EXT1: variants seen among roughly 807,000 people sequenced by gnomAD.
EXT1 encodes exostosin glycosyltransferase 1, also known as exostosin-1.
In EXT1, 20 loss-of-function variants were observed where a neutral mutation model predicts 82.5. The observed-to-expected ratio is 0.24, with a 90% CI of 0.17 to 0.35. EXT1 has a LOEUF of 0.35. Ranked by LOEUF, EXT1 falls within the 10% of genes least tolerant of loss-of-function variation. The pLI, the probability that EXT1 is intolerant of heterozygous loss-of-function variation, is 1.00. For synonymous variants in EXT1, 348 were observed against 350.8 expected, an observed-to-expected ratio of 0.99 and a Z score of 0.09; for missense variants, 757 against 936.5, an observed-to-expected ratio of 0.81 and a Z score of 2.50.
At position 117,796,366 on chromosome 8, in the gene EXT1, T is replaced by A. The variant is rs1265136617; in HGVS notation, c.*3346A>T. 2 of 152,092 alleles carry A rather than the reference T, an allele frequency of 1.3e-5. No homozygotes were observed. The highest frequency in any genetic ancestry group is 3.9e-4 in the East Asian group (2 of 5,180). The allele number at this position is 152,092 out of a possible 1,614,324, so 9.4% of individuals were successfully genotyped here. On this transcript the variant is annotated 3_prime_UTR_variant, in exon 11 of 11. Coordinates refer to ENST00000378204, the MANE Select transcript of EXT1 (RefSeq NM_000127.3). ...TCTTAAATCAAGTGCCCTGTTTTTT[T>A]TTTTTTTAATTAAAAAAAATAGTAT...
chr8:117,979,230 T>C (rs754806843), intron 1 of EXT1, among the ~76,000 whole-genome samples: 11 of 151,960 alleles, frequency 7.2e-5, no homozygotes, highest in African/African-American at 2.7e-4. Flanking sequence ...GGGGTGCACC[T>C]GTAGTCCCAG....
chr8:117,878,240 C>G (rs935155124), intron 1 of EXT1, among the ~76,000 whole-genome samples: 2 of 152,180 alleles, frequency 1.3e-5, no homozygotes, highest in African/African-American at 4.8e-5. Context: ...CACCATTGCA[C>G]TCTAGCTTGG....
intron 1 of EXT1, among the ~76,000 whole-genome samples, chr8:117,977,415 T>C (rs1212603721): frequency 6.8e-6 from 1 of 147,014 alleles, no homozygotes; most frequent in African/African-American, 2.5e-5. Flanking sequence ...AAAGACCATA[T>C]ATCCAAGGGC....
At chr8:117,939,603 T>G in intron 1 of EXT1, among the ~76,000 whole-genome samples, 1 of 147,352 alleles carries the variant, frequency 6.8e-6, no homozygotes, top group East Asian at 2.0e-4. Flanking sequence ...GAAAAAAGAA[T>G]AATAGTGAAG....
chr8:118,033,303 T>C (rs1384027931), intron 1 of EXT1, among the ~76,000 whole-genome samples: 1 of 152,184 alleles, frequency 6.6e-6, no homozygotes, highest in African/African-American at 2.4e-5. Context: ...GTGTTGGTAA[T>C]AATACCACAC....
intron 1 of EXT1, among the ~76,000 whole-genome samples, chr8:118,054,860 C>T (rs1227409665): frequency 2.6e-5 from 4 of 152,086 alleles, no homozygotes; most frequent in Admixed American, 6.5e-5. Flanking sequence ...GTTCCGAGGC[C>T]GCTCTGAGAG....
rs2130046904 is a variant in EXT1 at position 118,111,345 on chromosome 8, A to C, written c.-299T>G. On this transcript the variant is annotated 5_prime_UTR_variant, in exon 1 of 11. Transcript: ENST00000378204. ...AGCGGACTGTAATTTTCTTGCATGC[A>C]ACAAGACGGAGGAAAAGAAAGAGAG... 1.7e-6 allele frequency: 1 copy of C among 576,876 alleles called. No individual in the cohort carries two copies. The highest frequency in any genetic ancestry group is 3.1e-5 in the Admixed American group (1 of 32,736). The allele number at this position is 576,876 out of a possible 1,614,324, so 35.7% of individuals were successfully genotyped here.
At chr8:117,949,469 T>TAC (rs1394336609) in intron 1 of EXT1, among the ~76,000 whole-genome samples, 1 of 149,922 alleles carries the variant, frequency 6.7e-6, no homozygotes, top group Non-Finnish European at 1.5e-5. Flanking sequence ...TGTGTATATA[T>TAC]ACACACACAT....
intron 5 of EXT1, among the ~76,000 whole-genome samples, chr8:117,821,149 A>C (rs1811918410): frequency 6.6e-6 from 1 of 152,220 alleles, no homozygotes. Flanking sequence ...TTTGATACTG[A>C]TGGGATAAAG....
At chr8:117,935,716 A>G (rs1432990120) in intron 1 of EXT1, among the ~76,000 whole-genome samples, 3 of 152,062 alleles carry the variant, frequency 2.0e-5, no homozygotes, top group Non-Finnish European at 2.9e-5. Flanking sequence ...ACTTTCTTAA[A>G]TATTCCAATG....
rs1338171396 is a variant in EXT1, at chr8:117,794,683, C to T, written c.*5029G>A. The T allele has an allele frequency of 6.6e-6, 1 of 152,106 alleles. No homozygotes were observed. The highest frequency in any genetic ancestry group is 1.5e-5 in the Non-Finnish European group (1 of 68,030). 9.4% of individuals were successfully genotyped at this position (152,106 alleles called of 1,614,324 possible). On this transcript the variant is annotated 3_prime_UTR_variant, in exon 11 of 11. Coordinates refer to ENST00000378204, the MANE Select transcript of EXT1 (RefSeq NM_000127.3). ...TCTCACACGCGCTCTCTCACACATA[C>T]TTGAGGGCTTAATTACGCTAAGTCA...
chr8:117,846,414 A>T (rs1812362873), intron 1 of EXT1, among the ~76,000 whole-genome samples: 4 of 152,280 alleles, frequency 2.6e-5, no homozygotes, highest in African/African-American at 9.6e-5. Context: ...GGCCAGCACC[A>T]GCTTTTATAC....
intron 1 of EXT1, among the ~76,000 whole-genome samples, chr8:118,082,438 T>C (rs1817349677): frequency 6.6e-6 from 1 of 152,224 alleles, no homozygotes; most frequent in Admixed American, 6.5e-5. Context: ...GCTGGAAATC[T>C]TTTGATTTTA....
At chr8:118,109,978 G>C in intron 1 of EXT1, 107 bp downstream of exon 1, 6 of 1,562,726 alleles carry the variant, frequency 3.8e-6, no homozygotes, top group Admixed American at 3.4e-5. Flanking sequence ...AGGGGAAAGA[G>C]GACTGAGGGC....
intron 1 of EXT1, among the ~76,000 whole-genome samples, chr8:118,001,226 G>A (rs1304662391): frequency 6.6e-6 from 1 of 152,038 alleles, no homozygotes; most frequent in Non-Finnish European, 1.5e-5. Flanking sequence ...TCGCTCTGTC[G>A]CTCAGGCTGG....
chr8:117,968,660 C>G (rs1461838254), intron 1 of EXT1, among the ~76,000 whole-genome samples: 3 of 98,018 alleles, frequency 3.1e-5, no homozygotes, highest in Non-Finnish European at 5.4e-5. Context: ...AGCTCCACCT[C>G]CCGGGTTCAC....
chr8:117,978,124 T>A, intron 1 of EXT1, among the ~76,000 whole-genome samples: 1 of 152,224 alleles, frequency 6.6e-6, no homozygotes, highest in East Asian at 1.9e-4. Flanking sequence ...GGTGTCCCTT[T>A]GCTGATGAAA....
At chr8:118,069,113 A>C (rs1817041129) in intron 1 of EXT1, among the ~76,000 whole-genome samples, 2 of 152,212 alleles carry the variant, frequency 1.3e-5, no homozygotes, top group South Asian at 4.1e-4. Flanking sequence ...GGAGGAAGCA[A>C]GTCATACGAA....
chr8:118,037,211 C>T (rs76044933), intron 1 of EXT1, among the ~76,000 whole-genome samples: 1 of 152,058 alleles, frequency 6.6e-6, no homozygotes, highest in Admixed American at 6.6e-5. Context: ...CTGTGGGAAA[C>T]AAAACAGCTG....
Sources: gnomAD v4.1 joint callset for allele counts (sites outside exome capture counted in the v4.1 genomes callset) on GRCh38, gnomAD v4.1.1 for gene constraint, MANE v1.5 for transcripts, NCBI Gene and HGNC (gene_info 2026-07-23, HGNC 2026-07-21) for gene names.